NEGR1: variants seen among roughly 807,000 people sequenced by gnomAD.
NEGR1 encodes neuronal growth regulator 1.
In NEGR1, 10 loss-of-function variants were observed where a neutral mutation model predicts 40.9. That is an observed-to-expected ratio of 0.24 (90% CI 0.15 to 0.42). NEGR1 has a LOEUF of 0.42. NEGR1 is among the 10% of genes least tolerant of loss of function. NEGR1 has a pLI of 1.00. For missense variants in NEGR1, 352 were observed against 438.9 expected, an observed-to-expected ratio of 0.80 and a Z score of 1.77; for synonymous variants, 185 against 166.8, an observed-to-expected ratio of 1.11 and a Z score of -0.84.
chr1:71,921,706 ATAT>A (rs1255877976), intron 2 of NEGR1, among the ~76,000 whole-genome samples: 2 of 23,970 alleles, frequency 8.3e-5, no homozygotes, highest in Admixed American at 5.6e-4. Context: ...GTACAAGAAT[ATAT>A]ATATATATAT....
chr1:71,647,298 T>G (rs1213250379), intron 4 of NEGR1, among the ~76,000 whole-genome samples: 1 of 151,880 alleles, frequency 6.6e-6, no homozygotes, highest in Non-Finnish European at 1.5e-5. Context: ...GTAATCATTT[T>G]TTTCCAGCCC....
At chr1:71,797,369 T>C (rs1463364285) in intron 2 of NEGR1, among the ~76,000 whole-genome samples, 2 of 152,142 alleles carry the variant, frequency 1.3e-5, no homozygotes, top group South Asian at 2.1e-4. Flanking sequence ...ATCTAAGCTA[T>C]TGAGTCATGG....
Position 71,403,987 on chromosome 1 carries a change from A to G in NEGR1, c.*3459T>C. On this transcript the variant is annotated 3_prime_UTR_variant, in exon 7 of 7. Transcript: ENST00000357731. ...TTTTTAAATCATTTCTGGATTTCAA[A>G]AAACAATTTTTATTGAAAAGATTAA... 2.8e-6 allele frequency: 1 copy of G among 352,394 alleles called. No individual in the cohort carries two copies. Among genetic ancestry groups the G allele is most frequent in the Non-Finnish European group, 5.2e-6 (1 of 193,628 alleles). The allele number at this position is 352,394 out of a possible 1,614,324, so 21.8% of individuals were successfully genotyped here.
chr1:71,523,591 T>A (rs1192495301), intron 6 of NEGR1, among the ~76,000 whole-genome samples: 1 of 151,892 alleles, frequency 6.6e-6, no homozygotes, highest in Non-Finnish European at 1.5e-5. Context: ...CAAAGTCGGC[T>A]ACTGATGCTG....
intron 5 of NEGR1, among the ~76,000 whole-genome samples, chr1:71,597,785 C>A (rs534931573): frequency 6.6e-6 from 1 of 151,496 alleles, no homozygotes; most frequent in Non-Finnish European, 1.5e-5. Flanking sequence ...TCCCAGTGGG[C>A]GCCTGTAGTC....
At chr1:71,594,766 C>G (rs610876) in intron 5 of NEGR1, among the ~76,000 whole-genome samples, 1 of 152,170 alleles carries the variant, frequency 6.6e-6, no homozygotes, top group Admixed American at 6.5e-5. Context: ...TTAACTAATC[C>G]GTATATATGC....
At chr1:71,660,772 A>G (rs1356887305) in intron 4 of NEGR1, among the ~76,000 whole-genome samples, 2 of 152,112 alleles carry the variant, frequency 1.3e-5, no homozygotes, top group African/African-American at 4.8e-5. Flanking sequence ...ACATAGGTAT[A>G]CACGTGCCAT....
chr1:71,733,812 C>G (rs1278329033), intron 3 of NEGR1, among the ~76,000 whole-genome samples: 1 of 152,086 alleles, frequency 6.6e-6, no homozygotes, highest in Non-Finnish European at 1.5e-5. Flanking sequence ...CATCTAACTG[C>G]CTGTATAGTA....
At chr1:71,927,336 G>A (rs947715142) in intron 2 of NEGR1, among the ~76,000 whole-genome samples, 2 of 152,124 alleles carry the variant, frequency 1.3e-5, no homozygotes, top group African/African-American at 2.4e-5. Context: ...GTGAACCTGA[G>A]TTTTTCTGTC....
chr1:71,775,437 C>G (rs1279949948), intron 3 of NEGR1, among the ~76,000 whole-genome samples: 1 of 151,124 alleles, frequency 6.6e-6, no homozygotes, highest in East Asian at 2.0e-4. Context: ...CCTCTGCCTC[C>G]TGGGTTCAAA....
intron 3 of NEGR1, among the ~76,000 whole-genome samples, chr1:71,705,636 C>T (rs934539677): frequency 2.0e-5 from 3 of 152,048 alleles, no homozygotes; most frequent in Non-Finnish European, 4.4e-5. Context: ...GGGAAAATGG[C>T]GCGAACCCAG....
intron 3 of NEGR1, among the ~76,000 whole-genome samples, chr1:71,774,352 C>A (rs1178777180): frequency 1.3e-5 from 2 of 152,142 alleles, no homozygotes; most frequent in Non-Finnish European, 2.9e-5. Context: ...TATGATTTTT[C>A]AGTGGTTCTA....
intron 1 of NEGR1, among the ~76,000 whole-genome samples, chr1:72,212,140 G>A (rs1290989001): frequency 6.6e-6 from 1 of 151,874 alleles, no homozygotes; most frequent in Non-Finnish European, 1.5e-5. Flanking sequence ...TTCACTCAAC[G>A]TTAGGATTTA....
At chr1:71,619,574 C>T (rs1387313799) in intron 4 of NEGR1, among the ~76,000 whole-genome samples, 1 of 151,944 alleles carries the variant, frequency 6.6e-6, no homozygotes, top group African/African-American at 2.4e-5. Flanking sequence ...TGAGCTGAAG[C>T]AATTGCACAG....
intron 3 of NEGR1, among the ~76,000 whole-genome samples, chr1:71,731,261 A>G (rs1286657319): frequency 6.6e-6 from 1 of 152,176 alleles, no homozygotes; most frequent in Non-Finnish European, 1.5e-5. Context: ...CATATTTTGT[A>G]GAATAATACG....
chr1:72,186,096 T>C (rs1008451833), intron 1 of NEGR1, among the ~76,000 whole-genome samples: 2 of 151,720 alleles, frequency 1.3e-5, no homozygotes, highest in Admixed American at 1.3e-4. Context: ...TTGTCAACCC[T>C]CAAATTTGTA....
rs1174317784 is a variant in NEGR1 at position 71,571,259 on chromosome 1, T to C, written c.940+21558A>G. On this transcript the variant is annotated intron_variant, in intron 6 of 6. Coordinates refer to ENST00000357731, the MANE Select transcript of NEGR1 (RefSeq NM_173808.3). Reference sequence around the variant, plus strand: ...AATGGAGGAGCCATATGTGTTTATTTGCTTCGCAAAGCATATTCAGGAAAG... The same window carrying C: ...AATGGAGGAGCCATATGTGTTTATTCGCTTCGCAAAGCATATTCAGGAAAG... Among the ~76,000 whole-genome samples the C allele has an allele frequency of 2.0e-5, 3 of 152,330 alleles. No individual in the cohort carries two copies. The East Asian group carries it at 5.8e-4, about 29-fold the overall frequency.
At chr1:72,193,967 T>A (rs1028700426) in intron 1 of NEGR1, among the ~76,000 whole-genome samples, 2 of 151,754 alleles carry the variant, frequency 1.3e-5, no homozygotes, top group African/African-American at 4.8e-5. Flanking sequence ...TTATTAATGA[T>A]CTTGATCTAA....
chr1:72,110,732 GA>G (rs1649328619), intron 1 of NEGR1, among the ~76,000 whole-genome samples: 1 of 151,466 alleles, frequency 6.6e-6, no homozygotes, highest in African/African-American at 2.4e-5. Context: ...AGACACACTT[GA>G]AAAATGTAAA....
Sources: allele counts gnomAD v4.1 joint callset (sites outside exome capture counted in the v4.1 genomes callset), GRCh38; gene constraint gnomAD v4.1.1; transcripts MANE v1.5; gene names NCBI Gene and HGNC (gene_info 2026-07-23, HGNC 2026-07-21).